Variants in RAB28 observed in about 807,000 individuals in gnomAD.
The protein encoded by RAB28 is ras-related protein Rab-28.
A neutral mutation model predicts 31.7 loss-of-function variants in RAB28; 24 were observed. The ratio of observed to expected loss-of-function variants is 0.76; its 90% confidence interval spans 0.55 to 1.06. The LOEUF is 1.06. RAB28 is among the 50% of genes least tolerant of loss of function. The probability of loss-of-function intolerance (pLI) is 0.00; values close to 1 mark genes in which losing one functional copy is unlikely to be tolerated. For missense variants in RAB28, 254 were observed against 258.5 expected, an observed-to-expected ratio of 0.98 and a Z score of 0.12; for synonymous variants, 100 against 90.4, an observed-to-expected ratio of 1.11 and a Z score of -0.60.
At chr4:13,427,761 T>C (rs190807084) in intron 4 of RAB28, among the ~76,000 whole-genome samples, 185 of 152,282 alleles carry the variant, frequency 1.2e-3, no homozygotes, top group African/African-American at 3.7e-3. Flanking sequence ...AAGAAACTCA[T>C]TGAATGCTCA....
chr4:13,473,934 C>A, intron 3 of RAB28: 1 of 360,952 alleles, frequency 2.8e-6, no homozygotes. Flanking sequence ...ACTTTCAGTC[C>A]TTGTAACTTA....
intron 4 of RAB28, among the ~76,000 whole-genome samples, chr4:13,437,621 C>T (rs971498653): frequency 5.3e-5 from 8 of 152,020 alleles, no homozygotes; most frequent in Non-Finnish European, 1.0e-4. Flanking sequence ...CACTAATCTT[C>T]GGAGAAATAC....
intron 1 of RAB28, among the ~76,000 whole-genome samples, chr4:13,483,174 C>G (rs151294329): frequency 6.6e-6 from 1 of 152,272 alleles, no homozygotes; most frequent in Non-Finnish European, 1.5e-5. Flanking sequence ...CTTATGGACC[C>G]TCTCCCCAGA....
At chr4:13,479,324 A>G in intron 2 of RAB28, 106 bp downstream of exon 2, 1 of 722,638 alleles carries the variant, frequency 1.4e-6, no homozygotes, top group Non-Finnish European at 2.4e-6. Context: ...GTTTATATAC[A>G]TCTTCATGTA....
At chr4:13,379,649 T>G (rs1046771844) in intron 5 of RAB28, among the ~76,000 whole-genome samples, 1 of 152,072 alleles carries the variant, frequency 6.6e-6, no homozygotes, top group African/African-American at 2.4e-5. Flanking sequence ...AGAAGATGGT[T>G]GGTGGTTAGT....
At chr4:13,402,655 G>T (rs1711839996) in intron 4 of RAB28, among the ~76,000 whole-genome samples, 1 of 151,928 alleles carries the variant, frequency 6.6e-6, no homozygotes, top group South Asian at 2.1e-4. Context: ...GTATATAGTA[G>T]TCGGGTCTTG....
intron 4 of RAB28, among the ~76,000 whole-genome samples, chr4:13,387,196 C>G (rs1192956818): frequency 6.6e-6 from 1 of 151,930 alleles, no homozygotes; most frequent in African/African-American, 2.4e-5. Flanking sequence ...ACTCTCATGA[C>G]ACAAGTGTAA....
chr4:13,375,092 A>G lies in RAB28; in HGVS notation c.573+1453T>C, dbSNP rs571091455. Reference sequence around the variant, plus strand: ...ACTGCCCAGTACACTTTCCCCCAGTATGGCAGAGTGGAAATACCAAGGGCA... The same window carrying G: ...ACTGCCCAGTACACTTTCCCCCAGTGTGGCAGAGTGGAAATACCAAGGGCA... On this transcript the variant is annotated intron_variant, in intron 6 of 6. Coordinates refer to ENST00000330852, the MANE Select transcript of RAB28 (RefSeq NM_001017979.3). 1.3e-4 allele frequency among the ~76,000 whole-genome samples: 20 copies of G among 152,222 alleles called. No homozygotes were observed. The East Asian group carries it at 2.5e-3, about 19-fold the overall frequency.
chr4:13,450,019 T>A (rs1285555918), intron 4 of RAB28, among the ~76,000 whole-genome samples: 3 of 151,872 alleles, frequency 2.0e-5, no homozygotes, highest in Non-Finnish European at 4.4e-5. Context: ...TTATAAAACA[T>A]TGAACTTAAA....
chr4:13,394,095 G>A (rs769375317), intron 4 of RAB28, among the ~76,000 whole-genome samples: 7 of 152,080 alleles, frequency 4.6e-5, no homozygotes, highest in Non-Finnish European at 8.8e-5. Context: ...TGAAAGTGGA[G>A]GAGGCGACCA....
intron 4 of RAB28, among the ~76,000 whole-genome samples, chr4:13,410,981 A>C (rs1712410788): frequency 6.6e-6 from 1 of 152,148 alleles, no homozygotes; most frequent in African/African-American, 2.4e-5. Context: ...ACAGGTTTTA[A>C]AGACGGATAA....
chr4:13,412,089 C>T (rs1278067176), intron 4 of RAB28, among the ~76,000 whole-genome samples: 3 of 151,206 alleles, frequency 2.0e-5, no homozygotes, highest in African/African-American at 7.3e-5. Flanking sequence ...AGCCCCTACA[C>T]CACAATTTGT....
At chr4:13,432,760 C>A (rs551983032) in intron 4 of RAB28, among the ~76,000 whole-genome samples, 15 of 152,132 alleles carry the variant, frequency 9.9e-5, no homozygotes, top group Non-Finnish European at 1.9e-4. Flanking sequence ...CACCATGAGG[C>A]TGTCCCTACA....
At chr4:13,424,475 C>T (rs1713360044) in intron 4 of RAB28, among the ~76,000 whole-genome samples, 1 of 152,110 alleles carries the variant, frequency 6.6e-6, no homozygotes, top group African/African-American at 2.4e-5. Flanking sequence ...TTAGGGTCCA[C>T]CCTCATCAAA....
At chr4:13,376,327 CA>C (rs1728920411) in intron 6 of RAB28, among the ~76,000 whole-genome samples, 1 of 151,952 alleles carries the variant, frequency 6.6e-6, no homozygotes, top group Non-Finnish European at 1.5e-5. Flanking sequence ...TTTTTCCCAA[CA>C]AAAGAGACAA....
chr4:13,427,653 C>A (rs1713580106), intron 4 of RAB28, among the ~76,000 whole-genome samples: 1 of 152,104 alleles, frequency 6.6e-6, no homozygotes, highest in Admixed American at 6.6e-5. Flanking sequence ...TACTAAGCTG[C>A]ACGTGAATAT....
chr4:13,379,414 G>C (rs185937847), intron 5 of RAB28, among the ~76,000 whole-genome samples: 145 of 152,104 alleles, frequency 9.5e-4, no homozygotes, highest in Non-Finnish European at 1.8e-3. Context: ...GTTTAAACCA[G>C]AATTAAGGTT....
At chr4:13,417,253 C>T (rs1384128508) in intron 4 of RAB28, among the ~76,000 whole-genome samples, 1 of 152,192 alleles carries the variant, frequency 6.6e-6, no homozygotes, top group Admixed American at 6.5e-5. Flanking sequence ...CTGGGTGAAG[C>T]CTACCACAGC....
chr4:13,414,015 C>G (rs893287688), intron 4 of RAB28, among the ~76,000 whole-genome samples: 4 of 152,152 alleles, frequency 2.6e-5, no homozygotes, highest in African/African-American at 9.7e-5. Flanking sequence ...GGTATATGGT[C>G]AGCTCAGAAG....
Sources: allele counts gnomAD v4.1 joint callset (sites outside exome capture counted in the v4.1 genomes callset), GRCh38; gene constraint gnomAD v4.1.1; transcripts MANE v1.5; gene names NCBI Gene and HGNC (gene_info 2026-07-23, HGNC 2026-07-21).